Variants in RAP1GAP2 observed in about 807,000 individuals in gnomAD.
The protein encoded by RAP1GAP2 is rap1 GTPase-activating protein 2.
A neutral mutation model predicts 95.0 loss-of-function variants in RAP1GAP2; 27 were observed. That is an observed-to-expected ratio of 0.28 (90% CI 0.21 to 0.39). The LOEUF is 0.39. Ranked by LOEUF, RAP1GAP2 falls within the 10% of genes least tolerant of loss-of-function variation. The pLI, the probability that RAP1GAP2 is intolerant of heterozygous loss-of-function variation, is 1.00. For missense variants in RAP1GAP2, 771 were observed against 970.0 expected, an observed-to-expected ratio of 0.79 and a Z score of 2.72; for synonymous variants, 373 against 380.9, an observed-to-expected ratio of 0.98 and a Z score of 0.24.
intron 3 of RAP1GAP2, among the ~76,000 whole-genome samples, chr17:2,939,165 A>G (rs1322116505): frequency 2.0e-5 from 3 of 151,918 alleles, no homozygotes; most frequent in Non-Finnish European, 4.4e-5. Context: ...GTCTTGGCTC[A>G]CTGCAATGTC....
At chr17:2,936,357 A>T (rs538791093) in intron 3 of RAP1GAP2, among the ~76,000 whole-genome samples, 59 of 145,832 alleles carry the variant, frequency 4.0e-4, no homozygotes, top group Non-Finnish European at 7.9e-4. Flanking sequence ...AGAGGATGTC[A>T]GAGTGTGGTC....
In RAP1GAP2 at chr17:2,904,485, A is replaced by G. The variant is rs2042126094; in HGVS notation, c.81-799A>G. 1.3e-5 allele frequency among the ~76,000 whole-genome samples: 2 copies of G among 149,074 alleles called. No individual in the cohort carries two copies. Among genetic ancestry groups the G allele is most frequent in the Non-Finnish European group, 3.0e-5 (2 of 67,358 alleles). ...TAAGTTAAGTTTTACCTGCGGTTGC[A>G]CGGCAGGCAGCCCTGTCTCCCGAGG... On this transcript the variant is annotated intron_variant, in intron 2 of 24. Coordinates refer to ENST00000254695, the MANE Select transcript of RAP1GAP2 (RefSeq NM_015085.5). The surrounding 1 kb of genome is among the most constrained non-coding windows in gnomAD (Gnocchi z 4.7).
chr17:2,911,001 C>T (rs747253685), intron 3 of RAP1GAP2, among the ~76,000 whole-genome samples: 31 of 152,156 alleles, frequency 2.0e-4, no homozygotes, highest in Non-Finnish European at 3.5e-4. Flanking sequence ...ACCTGGCCCA[C>T]GATAAGTTAA....
At chr17:2,989,658 T>A (rs1446777711) in intron 11 of RAP1GAP2, among the ~76,000 whole-genome samples, 1 of 128,352 alleles carries the variant, frequency 7.8e-6, no homozygotes, top group African/African-American at 3.3e-5. Flanking sequence ...GACCATTTTC[T>A]AAATGGATTT....
chr17:2,967,106 C>T lies in RAP1GAP2; in HGVS notation c.596+1463C>T, dbSNP rs543043146. On this transcript the variant is annotated intron_variant, in intron 8 of 24. Coordinates refer to ENST00000254695, the MANE Select transcript of RAP1GAP2 (RefSeq NM_015085.5). ...TGTTGTGGCCAGGCACGGTGGCTCACGCCTGTAATCCCAGGACTTTGGGAG... is the reference window on the plus strand; with the variant it reads ...TGTTGTGGCCAGGCACGGTGGCTCATGCCTGTAATCCCAGGACTTTGGGAG... Among the ~76,000 whole-genome samples, 62 of 152,280 alleles carry T rather than the reference C, an allele frequency of 4.1e-4. 1 individual carries two copies. In the East Asian group the frequency reaches 5.4e-3, roughly 13 times the overall value.
rs2046313981 is a variant in RAP1GAP2 at position 3,005,860 on chromosome 17, C to G, written c.1273-95C>G. Reference sequence around the variant, plus strand: ...GGAAGGGACTTTTCAGGGGTTCTCCCCATGGCCCCGGCTCTGCCTGCCTGT... The same window carrying G: ...GGAAGGGACTTTTCAGGGGTTCTCCGCATGGCCCCGGCTCTGCCTGCCTGT... On this transcript the variant is annotated intron_variant, in intron 15 of 24. Transcript: ENST00000254695. This position sits in a 1 kb window ranked among gnomAD's most constrained non-coding sequence, Gnocchi z 5.2. The G allele has an allele frequency of 5.8e-6, 7 of 1,200,814 alleles. No individual in the cohort carries two copies. In the South Asian group the frequency reaches 8.5e-5, roughly 15 times the overall value. The allele number at this position is 1,200,814 out of a possible 1,614,324, so 74.4% of individuals were successfully genotyped here. A position where few individuals can be genotyped will look rare whatever the true frequency, so the allele number is the denominator to read the frequency against.
intron 2 of RAP1GAP2, among the ~76,000 whole-genome samples, chr17:2,844,729 T>C (rs1388410379): frequency 6.6e-6 from 1 of 151,996 alleles, no homozygotes; most frequent in African/African-American, 2.4e-5. Context: ...TCCTTCCTTC[T>C]GTCACGAAGG....
At chr17:2,832,204 C>A (rs554600943) in intron 2 of RAP1GAP2, among the ~76,000 whole-genome samples, 3,390 of 96,512 alleles carry the variant, frequency 0.035, 1 homozygote, top group African/African-American at 0.054. Context: ...ACTCTGTCTC[C>A]AAAAAAAAAA....
intron 3 of RAP1GAP2, among the ~76,000 whole-genome samples, chr17:2,939,066 T>C (rs1174234346): frequency 6.6e-6 from 1 of 152,116 alleles, no homozygotes; most frequent in African/African-American, 2.4e-5. Context: ...CACACCCCTT[T>C]CCAGTCCTCC....
intron 2 of RAP1GAP2, among the ~76,000 whole-genome samples, chr17:2,803,977 A>G (rs1296641720): frequency 1.3e-5 from 2 of 152,240 alleles, no homozygotes; most frequent in African/African-American, 2.4e-5. Context: ...AGACAGATGG[A>G]TCCAGTAGAA....
rs1355778337 is a variant in RAP1GAP2, at chr17:2,842,611, CT to C, written c.80+42062del. ...AATACAGTAGTTTTGGAGCCCTCCC[CT>C]CCCTAGAGTTGCCTAAAAGCCGTGG... On this transcript the variant is annotated intron_variant, in intron 2 of 24. Transcript: ENST00000254695. 1.2e-3 allele frequency among the ~76,000 whole-genome samples: 190 copies of C among 152,126 alleles called. 1 individual carries two copies. Among genetic ancestry groups the C allele is most frequent in the African/African-American group, 1.8e-3 (74 of 41,486 alleles).
chr17:2,933,441 G>A (rs966621004), intron 3 of RAP1GAP2, among the ~76,000 whole-genome samples: 4 of 152,206 alleles, frequency 2.6e-5, no homozygotes, highest in Non-Finnish European at 5.9e-5. Flanking sequence ...AGCCCATGGG[G>A]CTTTGCATTT....
At chr17:2,921,971 A>T (rs2042796156) in intron 3 of RAP1GAP2, among the ~76,000 whole-genome samples, 1 of 152,180 alleles carries the variant, frequency 6.6e-6, no homozygotes, top group Non-Finnish European at 1.5e-5. Flanking sequence ...CACCTGGGTA[A>T]TCGGGATGAT....
intron 16 of RAP1GAP2, among the ~76,000 whole-genome samples, chr17:3,006,438 CT>C (rs796860030): frequency 1.0e-3 from 126 of 125,306 alleles, no homozygotes; most frequent in African/African-American, 9.8e-4. Context: ...CCAATCAGTC[CT>C]TTTTTTTTTT....
intron 2 of RAP1GAP2, among the ~76,000 whole-genome samples, chr17:2,845,792 C>A (rs973621055): frequency 1.5e-4 from 22 of 151,676 alleles, no homozygotes; most frequent in Non-Finnish European, 5.9e-5. Flanking sequence ...ACCCTGTAGG[C>A]GAAGGTTTTG....
intron 12 of RAP1GAP2, among the ~76,000 whole-genome samples, chr17:2,993,344 C>T (rs913251358): frequency 2.0e-5 from 3 of 150,810 alleles, no homozygotes; most frequent in Admixed American, 6.6e-5. Context: ...GAGGCTGAGG[C>T]GGGCAGATCA....
At chr17:3,015,263 G>A (rs946426373) in intron 17 of RAP1GAP2, among the ~76,000 whole-genome samples, 4 of 152,084 alleles carry the variant, frequency 2.6e-5, no homozygotes, top group Non-Finnish European at 4.4e-5. Context: ...AGAGATGCCC[G>A]ATCAAATCAG....
At chr17:2,917,767 G>A (rs1352363454) in intron 3 of RAP1GAP2, among the ~76,000 whole-genome samples, 1 of 151,992 alleles carries the variant, frequency 6.6e-6, no homozygotes, top group Non-Finnish European at 1.5e-5. Flanking sequence ...CCAGGCTGAA[G>A]TACAATGGCA....
chr17:2,828,609 G>A (rs1185526999), intron 2 of RAP1GAP2, among the ~76,000 whole-genome samples: 2 of 152,128 alleles, frequency 1.3e-5, no homozygotes, highest in African/African-American at 2.4e-5. Context: ...TCCGCCAGCA[G>A]GTGGCACTGT....
Sources: gnomAD v4.1 joint callset for allele counts (sites outside exome capture counted in the v4.1 genomes callset) on GRCh38, gnomAD v4.1.1 for gene constraint, Gnocchi (gnomAD v3.1) non-coding constraint, MANE v1.5 for transcripts, NCBI Gene and HGNC (gene_info 2026-07-23, HGNC 2026-07-21) for gene names.